WRN: variants seen among roughly 807,000 people sequenced by gnomAD.
WRN encodes the protein WRN RecQ like helicase.
Under a neutral mutation model 180.7 loss-of-function variants are expected in WRN, and 149 were observed. The observed-to-expected ratio is 0.82, with a 90% CI of 0.72 to 0.94. The LOEUF is 0.94. Among genes scored for constraint, WRN ranks in the 40% least tolerant of loss-of-function variants. The pLI, the probability that WRN is intolerant of heterozygous loss-of-function variation, is 0.00. For synonymous variants in WRN, 548 were observed against 568.9 expected (o/e 0.96, Z 0.52); for missense variants, 1,661 against 1,700.1 (o/e 0.98, Z 0.40).
At chr8:31,129,216 A>C (rs1053827763) in intron 23 of WRN, among the ~76,000 whole-genome samples, 7 of 152,180 alleles carry the variant, frequency 4.6e-5, no homozygotes, top group Admixed American at 1.3e-4. Context: ...TCCTTGCCTC[A>C]ATCAGTCCTC....
chr8:31,041,244 A>G (rs1049949816), intron 1 of WRN, among the ~76,000 whole-genome samples: 1 of 152,218 alleles, frequency 6.6e-6, no homozygotes, highest in Non-Finnish European at 1.5e-5. Flanking sequence ...AGGAGAGCCT[A>G]TGGTGTAAGT....
rs1804253235 is a variant in WRN at position 31,175,645 on chromosome 8, T to G, written c.*2543T>G. On this transcript the variant is annotated 3_prime_UTR_variant, in exon 35 of 35. Coordinates refer to ENST00000298139, the MANE Select transcript of WRN (RefSeq NM_000553.6). ...AATGTCCACCATTATCTGAACAGGC[T>G]ATTAAAATACTCTTCTCTTTTCCAA... 6.6e-6 allele frequency among the ~76,000 whole-genome samples: 1 copy of G among 152,208 alleles called. No individual in the cohort carries two copies. Among genetic ancestry groups the G allele is most frequent in the Non-Finnish European group, 1.5e-5 (1 of 68,034 alleles).
intron 3 of WRN, among the ~76,000 whole-genome samples, chr8:31,062,157 T>A (rs1341715934): frequency 6.6e-6 from 1 of 152,198 alleles, no homozygotes; most frequent in African/African-American, 2.4e-5. Context: ...AGTCCTGTAC[T>A]GCCTGTTGTC....
At chr8:31,160,462 A>G (rs1251330800) in intron 33 of WRN, among the ~76,000 whole-genome samples, 1 of 152,238 alleles carries the variant, frequency 6.6e-6, no homozygotes, top group Non-Finnish European at 1.5e-5. Flanking sequence ...AAATCAAGGC[A>G]GAGAGAGGAA....
At chr8:31,166,511 G>T (rs1803868879) in intron 33 of WRN, among the ~76,000 whole-genome samples, 2 of 152,016 alleles carry the variant, frequency 1.3e-5, no homozygotes, top group South Asian at 4.1e-4. Flanking sequence ...TAAAATCATT[G>T]ATGTCTCTTG....
intron 18 of WRN, among the ~76,000 whole-genome samples, chr8:31,105,942 C>G (rs918157148): frequency 1.3e-5 from 2 of 152,158 alleles, no homozygotes; most frequent in African/African-American, 4.8e-5. Flanking sequence ...TGTGTATACA[C>G]AGGCACACAT....
intron 26 of WRN, 106 bp downstream of exon 26, chr8:31,141,881 T>A: frequency 9.3e-7 from 1 of 1,072,886 alleles, no homozygotes; most frequent in Non-Finnish European, 1.4e-6. Flanking sequence ...ATGAATTACC[T>A]GTTTGTTTTT....
At chr8:31,115,139 G>A (rs370093339) in intron 19 of WRN, among the ~76,000 whole-genome samples, 3 of 152,032 alleles carry the variant, frequency 2.0e-5, no homozygotes, top group African/African-American at 2.4e-5. Flanking sequence ...CAGGTAATCC[G>A]CCCGCCTTGG....
intron 15 of WRN, 64 bp from the exon 16 acceptor site, chr8:31,091,766 T>A: frequency 1.4e-6 from 2 of 1,382,844 alleles, no homozygotes; most frequent in Non-Finnish European, 2.1e-6. Flanking sequence ...CTTTCTCACT[T>A]AAGAGTGAAA....
At chr8:31,154,862 C>A in intron 32 of WRN, 107 bp downstream of exon 32, 1 of 1,351,074 alleles carries the variant, frequency 7.4e-7, no homozygotes, top group Non-Finnish European at 1.0e-6. Context: ...TTCCTCCAAC[C>A]CTACAATAAA....
At position 31,096,736 on chromosome 8, in the gene WRN, T is replaced by C. The variant is rs746427896; in HGVS notation, c.1899-32T>C. The C allele has an allele frequency of 3.3e-6, 5 of 1,536,368 alleles. 1 individual carries two copies. In the African/African-American group the frequency reaches 5.5e-5, roughly 17 times the overall value. On this transcript the variant is annotated intron_variant, in intron 16 of 34. Transcript: ENST00000298139. ...AATATGTTTCCCTTCCTGTTTTTTT[T>C]TTTTTCTTTTTTCTTTTGTTTGTTT... is the stretch of plus-strand genomic sequence containing the variant.
chr8:31,070,261 C>A (rs1250843349), intron 7 of WRN, among the ~76,000 whole-genome samples: 1 of 151,758 alleles, frequency 6.6e-6, no homozygotes, highest in Non-Finnish European at 1.5e-5. Flanking sequence ...CCAGAAGTAT[C>A]AGCATCACTG....
rs1802164156 is a variant in WRN at position 31,131,368 on chromosome 8, C to G, written c.2826-997C>G. Among the ~76,000 whole-genome samples the G allele has an allele frequency of 2.0e-5, 3 of 151,938 alleles. No homozygotes were observed. In the South Asian group the frequency reaches 6.2e-4, roughly 32 times the overall value. On this transcript the variant is annotated intron_variant, in intron 23 of 34. Transcript: ENST00000298139. ...ATGGGTTTTCACCATGTTGGCCAGG[C>G]TGGTCTTGAATGCCTGACTTCAAGT...
Position 31,145,468 on chromosome 8 carries a change from A to G in WRN, c.3384-1585A>G, listed in dbSNP as rs531089433. 4.6e-5 allele frequency among the ~76,000 whole-genome samples: 7 copies of G among 152,266 alleles called. No individual in the cohort carries two copies. In the South Asian group the frequency reaches 1.4e-3, roughly 32 times the overall value. On this transcript the variant is annotated intron_variant, in intron 28 of 34. Transcript: ENST00000298139. ...TGAATACTTTAAGCCCATTGTTGAA[A>G]CCTGCTTAGACAAAAGATTCCTTTC...
At chr8:31,146,000 T>TA (rs944308162) in intron 28 of WRN, among the ~76,000 whole-genome samples, 3 of 151,816 alleles carry the variant, frequency 2.0e-5, no homozygotes, top group African/African-American at 7.2e-5. Context: ...ATAATACCTA[T>TA]ACTTGATATA....
chr8:31,124,904 G>A lies in WRN; in HGVS notation c.2733-4G>A. The A allele has an allele frequency of 6.2e-7, 1 of 1,612,186 alleles. No homozygotes were observed. Among genetic ancestry groups the A allele is most frequent in the South Asian group, 1.1e-5 (1 of 90,738 alleles). ...TATTTAATTTAAAATTTTGTCTTGG[G>A]TAGAATCATCTTGTCTCATTTTGAG... is the stretch of plus-strand genomic sequence containing the variant. On this transcript the variant is annotated splice_polypyrimidine_tract_variant and splice_region_variant and intron_variant, in intron 22 of 34. Coordinates refer to ENST00000298139, the MANE Select transcript of WRN (RefSeq NM_000553.6).
chr8:31,161,271 A>C (rs904981837), intron 33 of WRN, among the ~76,000 whole-genome samples: 1 of 152,118 alleles, frequency 6.6e-6, no homozygotes, highest in Non-Finnish European at 1.5e-5. Flanking sequence ...TAGAATTGTG[A>C]GAAATATAGT....
chr8:31,071,616 G>C (rs1006060066), intron 7 of WRN, among the ~76,000 whole-genome samples: 1 of 152,066 alleles, frequency 6.6e-6, no homozygotes, highest in African/African-American at 2.4e-5. Flanking sequence ...TGAGTAACTG[G>C]GATTACAGGT....
intron 1 of WRN, among the ~76,000 whole-genome samples, chr8:31,038,401 C>T (rs1302172803): frequency 6.6e-6 from 1 of 150,802 alleles, no homozygotes; most frequent in Non-Finnish European, 1.5e-5. Flanking sequence ...AAGTCCTTTG[C>T]CCATTTTTTA....
Sources: gnomAD v4.1 joint callset for allele counts (sites outside exome capture counted in the v4.1 genomes callset) on GRCh38, gnomAD v4.1.1 for gene constraint, MANE v1.5 for transcripts, NCBI Gene and HGNC (gene_info 2026-07-23, HGNC 2026-07-21) for gene names.